Variants in TRMT2B observed in about 807,000 individuals in gnomAD.
TRMT2B encodes tRNA (uracil-5-)-methyltransferase homolog B.
TRMT2B carries 34 observed loss-of-function variants against 39.7 expected under a neutral mutation model. The ratio of observed to expected loss-of-function variants is 0.86; its 90% CI spans 0.65 to 1.14. The LOEUF (loss-of-function observed/expected upper bound fraction) is 1.14, where lower values mean the gene tolerates loss of function less well. TRMT2B is among the 50% of genes most tolerant of loss of function. TRMT2B has a pLI of 0.00. For synonymous variants in TRMT2B, 132 were observed against 137.3 expected, an observed-to-expected ratio of 0.96 and a Z score of 0.27; for missense variants, 318 against 377.2, an observed-to-expected ratio of 0.84 and a Z score of 1.30.
At chrX:101,051,200 C>T in intron 2 of TRMT2B, 51 bp downstream of exon 2, 1 of 702,561 alleles carries the variant, frequency 1.4e-6, no homozygotes, top group Non-Finnish European at 1.7e-6. Flanking sequence ...CAGGCTAACT[C>T]TCCTGTGCTC....
At chrX:101,040,432 G>A (rs2088160305) in intron 4 of TRMT2B, among the ~76,000 whole-genome samples, 1 of 111,452 alleles carries the variant, frequency 9.0e-6, no homozygotes, top group East Asian at 2.8e-4. Context: ...AACTGAGGGA[G>A]CTGGTAGATG....
the TRMT2B span, among the ~76,000 whole-genome samples, chrX:100,991,181 C>G: frequency 3.6e-5 from 4 of 111,533 alleles, no homozygotes; most frequent in African/African-American, 1.3e-4. Flanking sequence ...TTGAGCATCC[C>G]TAATCCAAAA....
At position 101,051,649 on chromosome X, in the gene TRMT2B, G is replaced by A; in HGVS notation, c.-422C>T. 1.3e-6 allele frequency: 1 copy of A among 754,955 alleles called. No individual in the cohort carries two copies. Among genetic ancestry groups the A allele is most frequent in the South Asian group, 6.7e-5 (1 of 14,891 alleles). The allele number at this position is 754,955 out of a possible 1,213,427, so 62.2% of individuals were successfully genotyped here. A position where few individuals can be genotyped will look rare whatever the true frequency, so the allele number is the denominator to read the frequency against. ...CACGCTGGGCCGTACACGACCTTGC[G>A]CAGTCACCGTCGGGTCCCGTCTCCA... On this transcript the variant is annotated 5_prime_UTR_variant, in exon 2 of 14. Coordinates refer to ENST00000372936, the MANE Select transcript of TRMT2B (RefSeq NM_024917.6).
the TRMT2B span, among the ~76,000 whole-genome samples, chrX:100,984,785 A>C: frequency 1.8e-5 from 2 of 112,405 alleles, no homozygotes; most frequent in Non-Finnish European, 3.8e-5. Context: ...TGGACAGACC[A>C]GAGAAGTCTT....
intron 7 of TRMT2B, among the ~76,000 whole-genome samples, chrX:101,034,418 A>C (rs1404360268): frequency 9.1e-6 from 1 of 110,244 alleles, no homozygotes; most frequent in African/African-American, 3.3e-5. Flanking sequence ...CTGGGATTAC[A>C]GGCATGAGCC....
chrX:100,985,587 C>T, the TRMT2B span: 118 of 1,102,457 alleles, frequency 1.1e-4, 1 homozygote, highest in South Asian at 2.4e-3. Flanking sequence ...TGCATGAAAT[C>T]GGAACCGACT....
At chrX:101,019,174 G>T (rs1406317807) in intron 12 of TRMT2B, 104 bp from the exon 13 acceptor site, 1 of 1,140,408 alleles carries the variant, frequency 8.8e-7, no homozygotes, top group Non-Finnish European at 1.2e-6. Flanking sequence ...AAATAGAGGG[G>T]AAACAGGTTC....
chrX:101,001,861 T>G, the TRMT2B span, among the ~76,000 whole-genome samples: 2 of 108,780 alleles, frequency 1.8e-5, no homozygotes, highest in Non-Finnish European at 3.8e-5. Context: ...GGAAACAACT[T>G]TGCCACTATT....
chrX:101,037,197 C>T, intron 5 of TRMT2B, 124 bp from the exon 6 acceptor site: 2 of 526,626 alleles, frequency 3.8e-6, no homozygotes, highest in Admixed American at 5.8e-5. Flanking sequence ...GAGGGTATGG[C>T]ATATGTGAAA....
intron 7 of TRMT2B, among the ~76,000 whole-genome samples, chrX:101,031,640 G>A (rs1279775035): frequency 2.8e-5 from 3 of 107,701 alleles, no homozygotes; most frequent in East Asian, 5.9e-4. Context: ...CTCGGGAGGC[G>A]GAGGTTGCAG....
Position 101,019,345 on chromosome X carries a change from T to C in TRMT2B, c.1227A>G (p.Leu409=), listed in dbSNP as rs763224861. ...TTGACTGTCCATCTTCCTTTGACTT[T>C]AGCAGCCCTGGCAAAATCTTCTCTG... is the stretch of plus-strand genomic sequence containing the variant. The part of the protein sequence containing the change: ...GQAEKILPGL[L]KSKEDGQSIV... Residue 409 remains leucine (L), a synonymous_variant, in exon 12 of 14, where the codon CTA becomes CTG. Transcript: ENST00000372936. The C allele has an allele frequency of 5.8e-6, 7 of 1,209,646 alleles. No individual in the cohort carries two copies. Among genetic ancestry groups the C allele is most frequent in the Admixed American group, 2.2e-5 (1 of 45,498 alleles).
In TRMT2B at chrX:101,010,511, A is replaced by G; in HGVS notation, c.*70T>C. On this transcript the variant is annotated 3_prime_UTR_variant, in exon 14 of 14. Coordinates refer to ENST00000372936, the MANE Select transcript of TRMT2B (RefSeq NM_024917.6). ...ATGCTCCCAGGGTCTGCAATGTAGC[A>G]ATATGCCAAACCTGAAAGTTTCTGA... The G allele has an allele frequency of 8.7e-7, 1 of 1,150,345 alleles. No homozygotes were observed. Among genetic ancestry groups the G allele is most frequent in the Non-Finnish European group, 1.2e-6 (1 of 845,691 alleles). 94.8% of individuals were successfully genotyped at this position (1,150,345 alleles called of 1,213,427 possible).
intron 7 of TRMT2B, among the ~76,000 whole-genome samples, chrX:101,029,561 T>C (rs1400245153): frequency 8.9e-6 from 1 of 111,864 alleles, no homozygotes; most frequent in Non-Finnish European, 1.9e-5. Flanking sequence ...TTTTAAAAAA[T>C]CTGTCTCCCC....
At chrX:101,046,295 G>C (rs2088668303) in intron 2 of TRMT2B, among the ~76,000 whole-genome samples, 1 of 111,864 alleles carries the variant, frequency 8.9e-6, no homozygotes, top group African/African-American at 3.2e-5. Flanking sequence ...GTCTCAGAAG[G>C]AGAGTCAAGA....
the TRMT2B span, chrX:100,974,337 G>GCA: frequency 4.1e-5 from 18 of 435,288 alleles, no homozygotes; most frequent in Admixed American, 6.5e-5. Flanking sequence ...TAACACACAC[G>GCA]CACACACACA....
intron 7 of TRMT2B, among the ~76,000 whole-genome samples, chrX:101,028,853 G>A (rs1231773522): frequency 1.8e-5 from 2 of 110,724 alleles, no homozygotes; most frequent in Non-Finnish European, 3.8e-5. Context: ...GGATATGGTT[G>A]TTTGTTAACT....
At chrX:100,985,615 G>C in the TRMT2B span, 163 of 1,167,010 alleles carry the variant, frequency 1.4e-4, 1 homozygote, top group African/African-American at 2.4e-3. Flanking sequence ...TGTTAGATGA[G>C]TATGGAGTTT....
intron 2 of TRMT2B, among the ~76,000 whole-genome samples, chrX:101,045,487 A>G (rs1285059744): frequency 9.8e-6 from 1 of 102,443 alleles, no homozygotes; most frequent in Non-Finnish European, 2.0e-5. Context: ...ACAAAAAAAC[A>G]GGCTGGGTGT....
the TRMT2B span, chrX:100,987,357 A>C: frequency 8.3e-7 from 1 of 1,200,414 alleles, no homozygotes; most frequent in Admixed American, 2.2e-5. Flanking sequence ...CCCAGGCTCC[A>C]GGTCTGCAGC....
Sources: allele counts gnomAD v4.1 joint callset (sites outside exome capture counted in the v4.1 genomes callset), GRCh38; gene constraint gnomAD v4.1.1; transcripts MANE v1.5; gene names NCBI Gene and HGNC (gene_info 2026-07-23, HGNC 2026-07-21).